NR3C2: variants seen among roughly 807,000 people sequenced by gnomAD.
NR3C2 encodes the protein mineralocorticoid receptor.
A neutral mutation model predicts 86.4 loss-of-function variants in NR3C2; 15 were observed. That is an observed-to-expected ratio of 0.17 (90% confidence interval 0.12 to 0.27). The LOEUF (loss-of-function observed/expected upper bound fraction) is 0.27. Among genes scored for constraint, NR3C2 ranks in the 10% least tolerant of loss-of-function variants. The pLI, the probability that NR3C2 is intolerant of heterozygous loss-of-function variation, is 1.00. For missense variants in NR3C2, 960 were observed against 1,195.6 expected, an observed-to-expected ratio of 0.80 and a Z score of 2.91; for synonymous variants, 458 against 450.5, an observed-to-expected ratio of 1.02 and a Z score of -0.21.
At chr4:148,088,271 T>C (rs13146357) in intron 8 of NR3C2, among the ~76,000 whole-genome samples, 91,342 of 151,982 alleles carry the variant, frequency 0.6, 27,741 homozygotes, top group East Asian at 0.82. Context: ...TTTGTGGGAG[T>C]GCAAATTAGT....
At position 148,202,776 on chromosome 4, in the gene NR3C2, G is replaced by C. The variant is rs181133025; in HGVS notation, c.1898-7914C>G. Among the ~76,000 whole-genome samples, 282 of 152,144 alleles carry C rather than the reference G, an allele frequency of 1.9e-3. 3 individuals carry two copies. The highest frequency in any genetic ancestry group is 5.9e-4 in the Non-Finnish European group (40 of 68,000). The stretch of plus-strand genomic sequence containing the variant: ...CTTGAATCCTAAGAAAGGCCCTAAG[G>C]TTCCCCCCTCATCCCCCTTCCTCTG... On this transcript the variant is annotated intron_variant, in intron 3 of 8. Coordinates refer to ENST00000358102, the MANE Select transcript of NR3C2 (RefSeq NM_000901.5).
At chr4:148,210,711 GAC>G (rs1477626110) in intron 3 of NR3C2, among the ~76,000 whole-genome samples, 1 of 152,166 alleles carries the variant, frequency 6.6e-6, no homozygotes, top group South Asian at 2.1e-4. Context: ...TAAATTCTGA[GAC>G]ATAATAAGTG....
intron 8 of NR3C2, among the ~76,000 whole-genome samples, chr4:148,107,574 C>T (rs111486396): frequency 0.055 from 8,395 of 152,174 alleles, 797 homozygotes; most frequent in African/African-American, 0.19. Context: ...CTATTTACGA[C>T]AGCAAAGACT....
chr4:148,177,957 G>A lies in NR3C2; in HGVS notation c.2014+16789C>T, dbSNP rs888399580. Among the ~76,000 whole-genome samples, 11 of 152,306 alleles carry A rather than the reference G, an allele frequency of 7.2e-5. No homozygotes were observed. In the East Asian group the frequency reaches 1.5e-3, roughly 21 times the overall value. On this transcript the variant is annotated intron_variant, in intron 4 of 8. Transcript: ENST00000358102. ...TAATTAGTAATTTTTTAAAGCTTCC[G>A]AGATATGCTTCATTTATGCTTTTCT...
At chr4:148,210,657 G>C (rs1342504414) in intron 3 of NR3C2, among the ~76,000 whole-genome samples, 3 of 152,190 alleles carry the variant, frequency 2.0e-5, no homozygotes, top group Admixed American at 1.3e-4. Context: ...CTCCCATCCT[G>C]AGTTTCTGTC....
intron 3 of NR3C2, among the ~76,000 whole-genome samples, chr4:148,222,809 T>C (rs544798284): frequency 1.3e-5 from 2 of 152,276 alleles, no homozygotes; most frequent in East Asian, 3.9e-4. Flanking sequence ...CAAGTGTTTA[T>C]TGATCATGTA....
chr4:148,081,635 G>A (rs1352743977), intron 8 of NR3C2, 136 bp from the exon 9 acceptor site: 1 of 1,189,218 alleles, frequency 8.4e-7, no homozygotes, highest in African/African-American at 1.5e-5. Flanking sequence ...CATTAATTGA[G>A]CAGAGTCATC....
At chr4:148,299,161 T>C (rs1403914258) in intron 2 of NR3C2, among the ~76,000 whole-genome samples, 1 of 152,206 alleles carries the variant, frequency 6.6e-6, no homozygotes, top group Non-Finnish European at 1.5e-5. Context: ...AATGTGTCCA[T>C]GTGTCTAATT....
chr4:148,193,637 T>C (rs1012287576), intron 4 of NR3C2, among the ~76,000 whole-genome samples: 1 of 152,246 alleles, frequency 6.6e-6, no homozygotes, highest in Non-Finnish European at 1.5e-5. Flanking sequence ...TTAAATTTTG[T>C]ATTTTTGTAT....
At chr4:148,261,921 G>T (rs1183405381) in intron 2 of NR3C2, among the ~76,000 whole-genome samples, 1 of 152,164 alleles carries the variant, frequency 6.6e-6, no homozygotes, top group African/African-American at 2.4e-5. Context: ...TCTAGAAAAT[G>T]ACTTCTTAAA....
intron 3 of NR3C2, among the ~76,000 whole-genome samples, chr4:148,244,035 T>C (rs1162289884): frequency 2.0e-5 from 3 of 152,234 alleles, no homozygotes; most frequent in Non-Finnish European, 4.4e-5. Flanking sequence ...TTCTGGCTAA[T>C]ATGTACCAGC....
In NR3C2 at chr4:148,435,681, T is replaced by C; in HGVS notation, c.1180A>G (p.Ile394Val). 1 of 1,614,154 alleles carries C rather than the reference T, an allele frequency of 6.2e-7. No homozygotes were observed. Among genetic ancestry groups the C allele is most frequent in the Non-Finnish European group, 8.5e-7 (1 of 1,180,036 alleles). The change falls in exon 2 of 9, where the codon ATT (isoleucine) becomes GTT (valine). Residue 394 changes from isoleucine (I) to valine (V), a missense_variant. Physicochemically the swap from Ile to Val is conservative, Grantham distance 29. Coordinates refer to ENST00000358102, the MANE Select transcript of NR3C2 (RefSeq NM_000901.5). ...ISNGVTGQLNIVQYIKPEPDG... is the reference protein window; with the variant it reads ...ISNGVTGQLNVVQYIKPEPDG... ...GGTTCTGGTTTTATGTACTGGACAA[T>C]ATTAAGCTGGCCAGTCACACCATTT...
intron 2 of NR3C2, among the ~76,000 whole-genome samples, chr4:148,392,937 A>G (rs1189040005): frequency 6.6e-6 from 1 of 152,160 alleles, no homozygotes; most frequent in African/African-American, 2.4e-5. Flanking sequence ...TTTTATATAT[A>G]TATCTTTCAG....
chr4:148,422,855 A>G (rs958032862), intron 2 of NR3C2, among the ~76,000 whole-genome samples: 12 of 152,172 alleles, frequency 7.9e-5, no homozygotes, highest in Non-Finnish European at 1.5e-4. Context: ...CATTCAAACA[A>G]AACTATTCTG....
rs532790479 is a variant in NR3C2 at position 148,215,954 on chromosome 4, G to T, written c.1898-21092C>A. ...ACCACCACGCCTAGCTATTTTTTTTGTGTGTGTGTGTTTTTAGTAGAGATG... is the reference window on the plus strand; with the variant it reads ...ACCACCACGCCTAGCTATTTTTTTTTTGTGTGTGTGTTTTTAGTAGAGATG... On this transcript the variant is annotated intron_variant, in intron 3 of 8. Transcript: ENST00000358102. Among the ~76,000 whole-genome samples, 301 of 151,230 alleles carry T rather than the reference G, an allele frequency of 2.0e-3. 1 individual carries two copies. Among genetic ancestry groups the T allele is most frequent in the African/African-American group, 3.6e-3 (147 of 41,214 alleles).
In NR3C2 at chr4:148,435,884, G is replaced by A; in HGVS notation, c.977C>T (p.Ala326Val). The A allele has an allele frequency of 6.2e-7, 1 of 1,614,202 alleles. No individual in the cohort carries two copies. The highest frequency in any genetic ancestry group is 1.1e-5 in the South Asian group (1 of 91,086). Residue 326 changes from alanine to valine, a missense_variant, in exon 2 of 9, where the codon GCA becomes GTA. By Grantham distance (64) the Ala-to-Val change is moderately conservative. This residue lies in a region of NR3C2 where 680 missense variants were observed against 719.0 expected (regional missense o/e 0.95). Transcript: ENST00000358102. ...TNNRSTLSSP[A>V]ASTVGSICSP... ...ACAGATAGATCCCACAGTACTGGCT[G>A]CCGGACTGGAAAGCGTGGATCTGTT...
chr4:148,223,496 A>G (rs1490504676), intron 3 of NR3C2, among the ~76,000 whole-genome samples: 1 of 152,186 alleles, frequency 6.6e-6, no homozygotes. Flanking sequence ...GTAGTTGATT[A>G]AGGTGGAAGC....
chr4:148,215,952 T>TTG (rs949535466), intron 3 of NR3C2, among the ~76,000 whole-genome samples: 1 of 151,718 alleles, frequency 6.6e-6, no homozygotes, highest in African/African-American at 2.4e-5. Context: ...GCTATTTTTT[T>TTG]TGTGTGTGTG....
chr4:148,243,899 T>A (rs1739188021), intron 3 of NR3C2, among the ~76,000 whole-genome samples: 1 of 152,236 alleles, frequency 6.6e-6, no homozygotes, highest in Non-Finnish European at 1.5e-5. Context: ...CCATAATTTC[T>A]GCATCTGAAA....
Sources: gnomAD v4.1 joint callset for allele counts (sites outside exome capture counted in the v4.1 genomes callset) on GRCh38, gnomAD v4.1.1 for gene constraint, gnomAD v4.1.1 regional missense constraint, MANE v1.5 for transcripts, NCBI Gene and HGNC (gene_info 2026-07-23, HGNC 2026-07-21) for gene names.